The following NUDCD1 variants were observed in gnomAD, a reference collection of about 807,000 sequenced individuals.
NUDCD1 encodes the protein NudC domain containing 1.
NUDCD1 carries 60 observed loss-of-function variants against 67.8 expected under a neutral mutation model. The observed-to-expected ratio is 0.88, with a 90% CI of 0.72 to 1.10. NUDCD1 has a LOEUF of 1.10. Ranked by LOEUF, NUDCD1 falls within the 50% of genes least tolerant of loss-of-function variation. NUDCD1 has a pLI of 0.00. For synonymous variants in NUDCD1, 244 were observed against 230.8 expected, an observed-to-expected ratio of 1.06 and a Z score of -0.52; for missense variants, 643 against 695.0, an observed-to-expected ratio of 0.93 and a Z score of 0.84.
intron 2 of NUDCD1, among the ~76,000 whole-genome samples, chr8:109,312,136 T>C (rs1289504648): frequency 1.3e-5 from 2 of 151,676 alleles, no homozygotes; most frequent in Non-Finnish European, 2.9e-5. Context: ...ACCCTATCTC[T>C]ACTAAAAATA....
chr8:109,257,986 T>C (rs915870153), intron 8 of NUDCD1, among the ~76,000 whole-genome samples: 4 of 152,160 alleles, frequency 2.6e-5, no homozygotes, highest in Non-Finnish European at 4.4e-5. Context: ...CATAATGACA[T>C]ATTTTTGAAA....
chr8:109,260,679 C>T lies in NUDCD1; in HGVS notation c.1299+10326G>A, dbSNP rs114464601. 6.4e-4 allele frequency among the ~76,000 whole-genome samples: 97 copies of T among 152,282 alleles called. 1 individual carries two copies. Among genetic ancestry groups the T allele is most frequent in the Middle Eastern group, 3.4e-3 (1 of 294 alleles). On this transcript the variant is annotated intron_variant, in intron 8 of 9. Coordinates refer to ENST00000239690, the MANE Select transcript of NUDCD1 (RefSeq NM_032869.4). The stretch of plus-strand genomic sequence containing the variant: ...GAAATAGTATTAAGTAGTATTGCTA[C>T]GCATACACACATGCACACGTCTCTT...
intron 5 of NUDCD1, among the ~76,000 whole-genome samples, chr8:109,283,510 T>C (rs913424724): frequency 5.3e-5 from 8 of 151,954 alleles, no homozygotes; most frequent in African/African-American, 1.9e-4. Context: ...AGGTCAACAC[T>C]AAAGAAAAAA....
chr8:109,282,188 G>T (rs1249757966), intron 5 of NUDCD1, among the ~76,000 whole-genome samples: 3 of 152,126 alleles, frequency 2.0e-5, no homozygotes, highest in Non-Finnish European at 4.4e-5. Flanking sequence ...CTACTCCCCG[G>T]GGCTGAGCAG....
intron 2 of NUDCD1, among the ~76,000 whole-genome samples, chr8:109,313,363 G>T (rs915980388): frequency 2.6e-5 from 4 of 152,088 alleles, no homozygotes; most frequent in Admixed American, 6.6e-5. Flanking sequence ...AAAAAAAGAT[G>T]CAGAATACAT....
At chr8:109,322,645 G>C (rs1157481052) in intron 1 of NUDCD1, among the ~76,000 whole-genome samples, 182 bp from the exon 2 acceptor site, 4 of 152,130 alleles carry the variant, frequency 2.6e-5, no homozygotes, top group African/African-American at 9.7e-5. Context: ...AGGATAAACA[G>C]TAAGTAAAAC....
intron 2 of NUDCD1, among the ~76,000 whole-genome samples, chr8:109,312,583 A>G (rs1366023868): frequency 3.3e-5 from 5 of 151,614 alleles, no homozygotes; most frequent in Admixed American, 3.3e-4. Context: ...ATGTACACGA[A>G]GATCCACGTA....
chr8:109,292,910 T>A (rs192421109), intron 4 of NUDCD1, among the ~76,000 whole-genome samples: 1 of 152,030 alleles, frequency 6.6e-6, no homozygotes, highest in Non-Finnish European at 1.5e-5. Flanking sequence ...TTAAAAGAAA[T>A]CATACCTGTA....
chr8:109,259,031 GA>G (rs1813804889), intron 8 of NUDCD1, among the ~76,000 whole-genome samples: 1 of 152,144 alleles, frequency 6.6e-6, no homozygotes. Flanking sequence ...AAGCTGCTGG[GA>G]GACAATTTTC....
chr8:109,333,946 C>A lies in NUDCD1; in HGVS notation c.65G>T (p.Gly22Val). The change falls in exon 1 of 10, where the codon GGT becomes GTT. Residue 22 changes from glycine to valine, a missense_variant. Transcript: ENST00000239690. ...KRPLLDPRFE[G>V]YKLSLEPLPC... ...CAGCGGCTCAAGAGAGAGCTTGTAACCCTCGAAGCGGGGATCCAACAGAGG... is the reference window on the plus strand; with the variant it reads ...CAGCGGCTCAAGAGAGAGCTTGTAAACCTCGAAGCGGGGATCCAACAGAGG... The A allele has an allele frequency of 6.2e-7, 1 of 1,614,184 alleles. No homozygotes were observed. Among genetic ancestry groups the A allele is most frequent in the Non-Finnish European group, 8.5e-7 (1 of 1,180,012 alleles).
chr8:109,285,270 T>G (rs1301557976), intron 5 of NUDCD1, among the ~76,000 whole-genome samples: 2 of 132,832 alleles, frequency 1.5e-5, no homozygotes, highest in Non-Finnish European at 3.4e-5. Context: ...CTGAAACTAT[T>G]CCAAAAAAAT....
At chr8:109,245,611 T>G (rs1352553226) in intron 8 of NUDCD1, 130 bp from the exon 9 acceptor site, 1 of 631,196 alleles carries the variant, frequency 1.6e-6, no homozygotes, top group South Asian at 2.3e-5. Context: ...TTAATCTGAT[T>G]GACTCCTCAT....
At chr8:109,281,454 C>T (rs1586274984) in intron 5 of NUDCD1, among the ~76,000 whole-genome samples, 1 of 152,040 alleles carries the variant, frequency 6.6e-6, no homozygotes, top group East Asian at 1.9e-4. Context: ...TCCCTCTCTC[C>T]CTCCCTTCCT....
At chr8:109,254,830 TACTC>T (rs1234704772) in intron 8 of NUDCD1, among the ~76,000 whole-genome samples, 1 of 152,186 alleles carries the variant, frequency 6.6e-6, no homozygotes, top group Non-Finnish European at 1.5e-5. Flanking sequence ...AGGTTTTATC[TACTC>T]AGAAGGTATG....
intron 9 of NUDCD1, 67 bp from the exon 10 acceptor site, chr8:109,243,368 T>G: frequency 1.3e-5 from 15 of 1,195,058 alleles, no homozygotes; most frequent in Non-Finnish European, 1.6e-5. Flanking sequence ...AATGATGATT[T>G]AACATTTAAT....
At chr8:109,279,830 C>G (rs1814390152) in intron 6 of NUDCD1, among the ~76,000 whole-genome samples, 1 of 151,980 alleles carries the variant, frequency 6.6e-6, no homozygotes, top group African/African-American at 2.4e-5. Context: ...CGGGGTTTCA[C>G]CATGTTGGTC....
intron 5 of NUDCD1, among the ~76,000 whole-genome samples, chr8:109,288,363 A>G (rs1814623457): frequency 1.3e-5 from 2 of 152,192 alleles, no homozygotes; most frequent in Non-Finnish European, 2.9e-5. Context: ...TGCTTACCAA[A>G]GGAATTCTAA....
At chr8:109,299,897 T>C (rs1814941768) in intron 2 of NUDCD1, among the ~76,000 whole-genome samples, 1 of 152,180 alleles carries the variant, frequency 6.6e-6, no homozygotes, top group Admixed American at 6.5e-5. Context: ...TATCCATGGC[T>C]GAGAGACCCA....
Position 109,271,055 on chromosome 8 carries a change from T to A in NUDCD1, c.1249A>T (p.Ser417Cys), listed in dbSNP as rs1010152279. 6.3e-7 allele frequency: 1 copy of A among 1,596,812 alleles called. No individual in the cohort carries two copies. The highest frequency in any genetic ancestry group is 8.6e-7 in the Non-Finnish European group (1 of 1,166,844). ...LEECDIFFEE[S>C]SSLCRFDGNT... The stretch of plus-strand genomic sequence containing the variant: ...CCATCAAATCTGCATAAACTGGAGC[T>A]CTCTTCAAAGAAAATATCACATTCT... The change falls in exon 8 of 10, where the codon AGC becomes TGC. Residue 417 changes from serine (S) to cysteine (C), a missense_variant. By Grantham distance (112) the Ser-to-Cys change is moderately radical. Coordinates refer to ENST00000239690, the MANE Select transcript of NUDCD1 (RefSeq NM_032869.4).
Sources: gnomAD v4.1 joint callset for allele counts (sites outside exome capture counted in the v4.1 genomes callset) on GRCh38, gnomAD v4.1.1 for gene constraint, MANE v1.5 for transcripts, NCBI Gene and HGNC (gene_info 2026-07-23, HGNC 2026-07-21) for gene names.